Variants in BCO1 observed in about 807,000 individuals in gnomAD.
BCO1 encodes beta,beta-carotene 15,15'-dioxygenase.
BCO1 carries 54 observed loss-of-function variants against 56.3 expected under a neutral mutation model. That is an observed-to-expected ratio of 0.96 (90% CI 0.77 to 1.20). The LOEUF is 1.20. Ranked by LOEUF, BCO1 falls within the 50% of genes most tolerant of loss-of-function variation. The probability of loss-of-function intolerance (pLI) is 0.00; values close to 1 mark genes in which losing one functional copy is unlikely to be tolerated. For synonymous variants in BCO1, 318 were observed against 266.1 expected (o/e 1.20, Z -1.90); for missense variants, 801 against 690.9 (o/e 1.16, Z -1.79).
At chr16:81,249,862 C>T (rs184134574) in intron 2 of BCO1, among the ~76,000 whole-genome samples, 1 of 152,224 alleles carries the variant, frequency 6.6e-6, no homozygotes, top group East Asian at 1.9e-4. Flanking sequence ...CAATCTGTGG[C>T]ATAGGGTGGG....
chr16:81,267,572 C>T (rs1478567848), intron 5 of BCO1, among the ~76,000 whole-genome samples: 1 of 152,130 alleles, frequency 6.6e-6, no homozygotes, highest in African/African-American at 2.4e-5. Context: ...GAGATCGTGC[C>T]CCTACATTCC....
At chr16:81,258,052 C>T (rs757298795) in intron 2 of BCO1, among the ~76,000 whole-genome samples, 5 of 152,016 alleles carry the variant, frequency 3.3e-5, no homozygotes, top group East Asian at 1.9e-4. Context: ...GTCACAGTGA[C>T]GCAGCCATGA....
chr16:81,255,889 G>A (rs1280091347), intron 2 of BCO1, among the ~76,000 whole-genome samples: 11 of 151,842 alleles, frequency 7.2e-5, no homozygotes, highest in African/African-American at 1.7e-4. Context: ...TCAGTGGCAC[G>A]ATTTCGGCTC....
intron 5 of BCO1, among the ~76,000 whole-genome samples, chr16:81,266,424 A>T (rs773145279): frequency 3.3e-5 from 5 of 152,038 alleles, no homozygotes; most frequent in Non-Finnish European, 7.4e-5. Context: ...CTTCTAGTTT[A>T]AAAAAAACTA....
intron 3 of BCO1, among the ~76,000 whole-genome samples, chr16:81,261,763 A>G (rs1906494718): frequency 1.3e-5 from 2 of 150,874 alleles, no homozygotes; most frequent in African/African-American, 4.9e-5. Flanking sequence ...TTTCTTTGAG[A>G]CAGAGTCTCG....
chr16:81,272,260 C>G (rs1567458957), intron 7 of BCO1, among the ~76,000 whole-genome samples: 1 of 151,762 alleles, frequency 6.6e-6, no homozygotes. Context: ...ACTACAGACA[C>G]CTGCCACCAC....
At chr16:81,262,775 C>T (rs562125124) in intron 4 of BCO1, 12 of 226,658 alleles carry the variant, frequency 5.3e-5, no homozygotes, top group East Asian at 4.3e-4. Context: ...TGCAGTGAGC[C>T]CAGATTGCAC....
At chr16:81,248,239 TA>T (rs1314591385) in intron 2 of BCO1, among the ~76,000 whole-genome samples, 9 of 151,588 alleles carry the variant, frequency 5.9e-5, no homozygotes, top group Non-Finnish European at 1.2e-4. Context: ...CCGTCTCTAC[TA>T]AAAATACAAA....
chr16:81,287,419 G>A lies in BCO1; in HGVS notation c.1414+13G>A, dbSNP rs1441977343. The A allele has an allele frequency of 1.2e-6, 2 of 1,605,166 alleles. No individual in the cohort carries two copies. Among genetic ancestry groups the A allele is most frequent in the East Asian group, 4.5e-5 (2 of 44,828 alleles). On this transcript the variant is annotated intron_variant, in intron 10 of 10. Transcript: ENST00000258168. ...GATGAGGATGACGGTAAGACTCTAAGAAGCCACGCCTAGTTGCTGCACGTT... is the reference window on the plus strand; with the variant it reads ...GATGAGGATGACGGTAAGACTCTAAAAAGCCACGCCTAGTTGCTGCACGTT...
Position 81,270,264 on chromosome 16 carries a change from G to A in BCO1, c.949G>A (p.Gly317Ser), listed in dbSNP as rs767457543. 8.7e-6 allele frequency: 14 copies of A among 1,614,052 alleles called. No individual in the cohort carries two copies. The highest frequency in any genetic ancestry group is 3.3e-5 in the Admixed American group (2 of 59,998). Reference protein sequence around the residue: ...FHHVNAYEEDGCIVFDVIAYE... With the variant: ...FHHVNAYEEDSCIVFDVIAYE... ...TCACGTCAACGCCTACGAAGAGGACGGCTGCATCGTGTTTGACGTCATTGC... is the reference window on the plus strand; with the variant it reads ...TCACGTCAACGCCTACGAAGAGGACAGCTGCATCGTGTTTGACGTCATTGC... The change falls in exon 7 of 11, where the codon GGC (glycine) becomes AGC (serine). Residue 317 changes from glycine (G) to serine (S), a missense_variant. Physicochemically the swap from Gly to Ser is moderately conservative, Grantham distance 56. Transcript: ENST00000258168.
chr16:81,289,140 G>T (rs1028619787), intron 10 of BCO1, among the ~76,000 whole-genome samples: 49 of 152,132 alleles, frequency 3.2e-4, no homozygotes, highest in African/African-American at 1.1e-3. Flanking sequence ...TTAAATCCAG[G>T]CCAATCTGAC....
intron 2 of BCO1, among the ~76,000 whole-genome samples, chr16:81,249,075 C>T (rs1212192763): frequency 2.0e-5 from 3 of 149,478 alleles, no homozygotes; most frequent in Non-Finnish European, 4.4e-5. Flanking sequence ...GCCAGCTCCT[C>T]CATGGTCTCT....
rs757134025 is a variant in BCO1, at chr16:81,262,273, C to T, written c.461C>T (p.Thr154Ile). Residue 154 changes from threonine (T) to isoleucine (I), a missense_variant, in exon 4 of 11, where the codon ACC becomes ATC. Thr to Ile is a moderately conservative substitution (Grantham distance 89). Transcript: ENST00000258168. ...AAAATCAACCCACAGACTCTGGAAA[C>T]CCTGGAGAAGGTATCAACACATATG... ...IRKINPQTLE[T>I]LEKVDYRKYV... The T allele has an allele frequency of 2.5e-6, 4 of 1,613,396 alleles. No individual in the cohort carries two copies. In the African/African-American group the frequency reaches 5.3e-5, roughly 22 times the overall value.
At chr16:81,273,184 T>C (rs1371385918) in intron 7 of BCO1, among the ~76,000 whole-genome samples, 1 of 152,194 alleles carries the variant, frequency 6.6e-6, no homozygotes, top group Non-Finnish European at 1.5e-5. Flanking sequence ...GGTTTCACCA[T>C]GTTGGCCAGG....
chr16:81,267,516 G>A (rs1906901629), intron 5 of BCO1, among the ~76,000 whole-genome samples: 1 of 152,196 alleles, frequency 6.6e-6, no homozygotes, highest in Admixed American at 6.5e-5. Flanking sequence ...GGGAGGCTGA[G>A]GCAGGAGAAT....
intron 7 of BCO1, 140 bp downstream of exon 7, chr16:81,270,556 C>G: frequency 8.8e-7 from 1 of 1,133,876 alleles, no homozygotes; most frequent in South Asian, 1.4e-5. Flanking sequence ...TTGTTTTTCC[C>G]AAAGTAGTAC....
chr16:81,281,193 C>A (rs1439656187), intron 8 of BCO1, among the ~76,000 whole-genome samples: 1 of 152,214 alleles, frequency 6.6e-6, no homozygotes, highest in Non-Finnish European at 1.5e-5. Flanking sequence ...CACCTGTAGT[C>A]TCAGCACTTT....
intron 8 of BCO1, among the ~76,000 whole-genome samples, chr16:81,284,748 G>GT (rs1908076515): frequency 6.6e-6 from 1 of 152,010 alleles, no homozygotes; most frequent in South Asian, 2.1e-4. Flanking sequence ...GCTTCCCAAA[G>GT]TGCTGGGATT....
chr16:81,240,465 G>A (rs1400169275), intron 1 of BCO1, among the ~76,000 whole-genome samples: 3 of 152,026 alleles, frequency 2.0e-5, no homozygotes, highest in South Asian at 2.1e-4. Context: ...CAGCACTTTC[G>A]GAGGCCAAAG....
Sources: gnomAD v4.1 joint callset for allele counts (sites outside exome capture counted in the v4.1 genomes callset) on GRCh38, gnomAD v4.1.1 for gene constraint, MANE v1.5 for transcripts, NCBI Gene and HGNC (gene_info 2026-07-23, HGNC 2026-07-21) for gene names.